Variants in CPNE8 observed in about 807,000 individuals in gnomAD.
The protein encoded by CPNE8 is copine 8.
Under a neutral mutation model 81.5 loss-of-function variants are expected in CPNE8, and 45 were observed. The ratio of observed to expected loss-of-function variants is 0.55; its 90% CI spans 0.44 to 0.71. The LOEUF (loss-of-function observed/expected upper bound fraction) is 0.71. Ranked by LOEUF, CPNE8 falls within the 30% of genes least tolerant of loss-of-function variation. The pLI is 0.00. For missense variants in CPNE8, 594 were observed against 672.1 expected (o/e 0.88, Z 1.28); for synonymous variants, 252 against 226.3 (o/e 1.11, Z -1.02).
chr12:38,756,984 T>G (rs150695481), intron 10 of CPNE8, among the ~76,000 whole-genome samples: 1 of 152,182 alleles, frequency 6.6e-6, no homozygotes, highest in African/African-American at 2.4e-5. Flanking sequence ...TCTGGAAACA[T>G]GGGATTAAAT....
chr12:38,675,979 G>C (rs1434337355), intron 17 of CPNE8, among the ~76,000 whole-genome samples: 1 of 151,758 alleles, frequency 6.6e-6, no homozygotes, highest in Admixed American at 6.6e-5. Flanking sequence ...AGCCAGGTGT[G>C]GTGGTGTGTG....
At chr12:38,756,329 G>A (rs1425145607) in intron 10 of CPNE8, among the ~76,000 whole-genome samples, 1 of 148,436 alleles carries the variant, frequency 6.7e-6, no homozygotes. Context: ...AAATGTGATT[G>A]TAAGCAAGTA....
intron 3 of CPNE8, among the ~76,000 whole-genome samples, chr12:38,864,556 C>T (rs893856622): frequency 6.6e-6 from 1 of 152,146 alleles, no homozygotes; most frequent in African/African-American, 2.4e-5. Context: ...AAAGTCCTCA[C>T]ATTTACAGTT....
chr12:38,797,623 A>G (rs1002635948), intron 6 of CPNE8, among the ~76,000 whole-genome samples: 1 of 152,100 alleles, frequency 6.6e-6, no homozygotes, highest in African/African-American at 2.4e-5. Context: ...AAAACTGGAA[A>G]CTCTAAAAAG....
intron 13 of CPNE8, among the ~76,000 whole-genome samples, chr12:38,712,644 C>T (rs1482861830): frequency 6.6e-6 from 1 of 152,090 alleles, no homozygotes; most frequent in Non-Finnish European, 1.5e-5. Context: ...ATCTAGCCTC[C>T]AAAATAAGTA....
At chr12:38,676,158 G>T in intron 17 of CPNE8, 2 of 471,870 alleles carry the variant, frequency 4.2e-6, no homozygotes, top group Non-Finnish European at 5.5e-6. Context: ...TAATTAAGAA[G>T]CAAATATAAC....
At chr12:38,772,055 G>T (rs1475058045) in intron 7 of CPNE8, among the ~76,000 whole-genome samples, 2 of 152,174 alleles carry the variant, frequency 1.3e-5, no homozygotes, top group Admixed American at 1.3e-4. Flanking sequence ...AGTCTTGAAT[G>T]AGACTGGATT....
At chr12:38,901,173 A>T (rs1182380000) in intron 1 of CPNE8, among the ~76,000 whole-genome samples, 1 of 152,216 alleles carries the variant, frequency 6.6e-6, no homozygotes, top group Non-Finnish European at 1.5e-5. Flanking sequence ...GTGAGCAGAG[A>T]TCGCACCACT....
chr12:38,654,210 A>G (rs1938768046), intron 19 of CPNE8, 140 bp from the exon 20 acceptor site: 1 of 1,191,690 alleles, frequency 8.4e-7, no homozygotes, highest in South Asian at 2.0e-5. Context: ...AACAATTATT[A>G]TACATTTTTA....
intron 6 of CPNE8, among the ~76,000 whole-genome samples, chr12:38,787,145 C>A (rs1337026297): frequency 1.3e-5 from 2 of 152,040 alleles, no homozygotes; most frequent in Non-Finnish European, 2.9e-5. Context: ...CCAACAGCTG[C>A]AGAATACACA....
chr12:38,876,297 C>T (rs1388506916), intron 1 of CPNE8, among the ~76,000 whole-genome samples: 3 of 152,280 alleles, frequency 2.0e-5, no homozygotes, highest in East Asian at 1.9e-4. Context: ...TTGCAACCTC[C>T]GCCTTCCAGG....
At chr12:38,764,473 C>G (rs1171022267) in intron 8 of CPNE8, among the ~76,000 whole-genome samples, 1 of 150,158 alleles carries the variant, frequency 6.7e-6, no homozygotes, top group Non-Finnish European at 1.5e-5. Context: ...AAAAATTAGC[C>G]GGGCGTAGTG....
chr12:38,789,040 C>G lies in CPNE8; in HGVS notation c.408-12739G>C, dbSNP rs146961129. On this transcript the variant is annotated intron_variant, in intron 6 of 19. Coordinates refer to ENST00000331366, the MANE Select transcript of CPNE8 (RefSeq NM_153634.3). The stretch of plus-strand genomic sequence containing the variant: ...TGTGCATCCTACCCTAAGCATTCTA[C>G]AGTTTCAATGCAATCCTTATCAAAA... 1.9e-3 allele frequency among the ~76,000 whole-genome samples: 282 copies of G among 151,938 alleles called. 1 individual carries two copies. Among genetic ancestry groups the G allele is most frequent in the African/African-American group, 6.6e-3 (273 of 41,522 alleles).
chr12:38,880,605 G>A (rs1944138499), intron 1 of CPNE8, among the ~76,000 whole-genome samples: 1 of 152,016 alleles, frequency 6.6e-6, no homozygotes, highest in Admixed American at 6.5e-5. Flanking sequence ...CTTATGGACT[G>A]GAATCAGAAA....
chr12:38,897,119 G>GGGATAA (rs1425086956), intron 1 of CPNE8, among the ~76,000 whole-genome samples: 12 of 152,112 alleles, frequency 7.9e-5, no homozygotes, highest in Non-Finnish European at 2.9e-5. Flanking sequence ...GAGATTTAAA[G>GGGATAA]ACATCTGTCT....
intron 6 of CPNE8, among the ~76,000 whole-genome samples, chr12:38,798,373 G>C (rs555742090): frequency 6.6e-6 from 1 of 152,170 alleles, no homozygotes; most frequent in African/African-American, 2.4e-5. Flanking sequence ...CTACAAGCCA[G>C]AAGACAGTGG....
At position 38,905,397 on chromosome 12, in the gene CPNE8, G is replaced by C. The variant is rs139590490; in HGVS notation, c.98+40C>G. 48 of 1,544,476 alleles carry C rather than the reference G, an allele frequency of 3.1e-5. No homozygotes were observed. In the Admixed American group the frequency reaches 5.1e-4, roughly 16 times the overall value. ...CTCTCCAAGTGCTACCAACCCCACAGATGAGAGGGCAGGAGAGAGGGGAAG... is the reference window on the plus strand; with the variant it reads ...CTCTCCAAGTGCTACCAACCCCACACATGAGAGGGCAGGAGAGAGGGGAAG... On this transcript the variant is annotated intron_variant, in intron 1 of 19. Transcript: ENST00000331366.
At chr12:38,775,544 C>T (rs574581755) in intron 7 of CPNE8, among the ~76,000 whole-genome samples, 1 of 152,294 alleles carries the variant, frequency 6.6e-6, no homozygotes, top group East Asian at 1.9e-4. Context: ...CCACATTAAA[C>T]AGACAATATT....
At position 38,776,147 on chromosome 12, in the gene CPNE8, A is replaced by G. The variant is rs1391395478; in HGVS notation, c.471+91T>C. On this transcript the variant is annotated intron_variant, in intron 7 of 19. Transcript: ENST00000331366. ...TAAAATTGTATAACACTTTTGCTACAATTACTTAAAAATTAATTAGTTAAG... is the reference window on the plus strand; with the variant it reads ...TAAAATTGTATAACACTTTTGCTACGATTACTTAAAAATTAATTAGTTAAG... The G allele has an allele frequency of 2.1e-5, 12 of 565,908 alleles. No individual in the cohort carries two copies. In the South Asian group the frequency reaches 3.4e-4, roughly 16 times the overall value. The allele number at this position is 565,908 out of a possible 1,614,324, so 35.1% of individuals were successfully genotyped here.
Sources: allele counts gnomAD v4.1 joint callset (sites outside exome capture counted in the v4.1 genomes callset), GRCh38; gene constraint gnomAD v4.1.1; transcripts MANE v1.5; gene names NCBI Gene and HGNC (gene_info 2026-07-23, HGNC 2026-07-21).